The following ITCH variants were observed in gnomAD, a reference collection of about 807,000 sequenced individuals.
ITCH encodes itchy E3 ubiquitin protein ligase, also known as E3 ubiquitin-protein ligase Itchy homolog.
ITCH carries 28 observed loss-of-function variants against 126.8 expected under a neutral mutation model. The ratio of observed to expected loss-of-function variants is 0.22; its 90% CI spans 0.16 to 0.30. The LOEUF (loss-of-function observed/expected upper bound fraction) is 0.30. Among genes scored for constraint, ITCH ranks in the 10% least tolerant of loss-of-function variants. ITCH has a pLI of 1.00. For synonymous variants in ITCH, 342 were observed against 340.0 expected, an observed-to-expected ratio of 1.01 and a Z score of -0.06; for missense variants, 631 against 1,032.4, an observed-to-expected ratio of 0.61 and a Z score of 5.33.
intron 3 of ITCH, chr20:34,402,765 T>C: frequency 3.6e-6 from 1 of 275,894 alleles, no homozygotes; most frequent in Non-Finnish European, 7.4e-6. Flanking sequence ...CTCCACCGGG[T>C]TGTTGGCTCA....
At chr20:34,467,899 C>G (rs544811056) in intron 14 of ITCH, among the ~76,000 whole-genome samples, 135 of 151,726 alleles carry the variant, frequency 8.9e-4, no homozygotes, top group Non-Finnish European at 1.3e-3. Flanking sequence ...TGCATTCCAC[C>G]CTGGGTGACA....
chr20:34,426,649 C>T (rs1478152508), intron 7 of ITCH, among the ~76,000 whole-genome samples: 2 of 118,464 alleles, frequency 1.7e-5, no homozygotes, highest in Non-Finnish European at 4.0e-5. Flanking sequence ...TGGGGTTTTG[C>T]CATATTGGCC....
chr20:34,428,332 T>G (rs1387155549), intron 7 of ITCH, among the ~76,000 whole-genome samples: 1 of 152,224 alleles, frequency 6.6e-6, no homozygotes, highest in East Asian at 1.9e-4. Context: ...CATCCTTCCC[T>G]CCATCCTCAT....
chr20:34,462,253 A>G, intron 14 of ITCH, 32 bp downstream of exon 14: 1 of 1,602,662 alleles, frequency 6.2e-7, no homozygotes, highest in Non-Finnish European at 8.5e-7. Flanking sequence ...GATTAAGAGT[A>G]AAATACTAGT....
chr20:34,366,266 A>T (rs73255036), intron 1 of ITCH, among the ~76,000 whole-genome samples: 1 of 152,018 alleles, frequency 6.6e-6, no homozygotes, highest in African/African-American at 2.4e-5. Flanking sequence ...TGTTGTTGAG[A>T]CTGGGTCTCA....
intron 12 of ITCH, among the ~76,000 whole-genome samples, chr20:34,455,724 C>T (rs1281299333): frequency 6.6e-6 from 1 of 151,812 alleles, no homozygotes; most frequent in Non-Finnish European, 1.5e-5. Context: ...GCAGTCCGCC[C>T]GCCTCTGCCT....
intron 2 of ITCH, among the ~76,000 whole-genome samples, chr20:34,386,607 T>C (rs1025257282): frequency 2.0e-5 from 3 of 152,200 alleles, no homozygotes; most frequent in Admixed American, 6.5e-5. Flanking sequence ...TTCTGAAATG[T>C]CATTTTGGTG....
chr20:34,381,881 AT>A (rs1405866378), intron 2 of ITCH, among the ~76,000 whole-genome samples: 3 of 151,644 alleles, frequency 2.0e-5, no homozygotes, highest in East Asian at 3.9e-4. Context: ...AAAAAAAAAA[AT>A]GGAAAGAAAT....
At chr20:34,502,704 A>C (rs1990338483) in intron 23 of ITCH, among the ~76,000 whole-genome samples, 1 of 151,268 alleles carries the variant, frequency 6.6e-6, no homozygotes, top group African/African-American at 2.4e-5. Flanking sequence ...CGCCTCAAAA[A>C]AAAAAAGAAA....
intron 4 of ITCH, among the ~76,000 whole-genome samples, chr20:34,410,180 C>G (rs1300790009): frequency 1.3e-5 from 2 of 151,936 alleles, no homozygotes; most frequent in African/African-American, 2.4e-5. Context: ...CCAGCCTGAC[C>G]AACGTGGTGA....
intron 7 of ITCH, among the ~76,000 whole-genome samples, chr20:34,427,736 A>G (rs1213237779): frequency 1.3e-5 from 2 of 152,178 alleles, no homozygotes; most frequent in East Asian, 3.8e-4. Flanking sequence ...TGAATTCCTG[A>G]AAGTTCCCGC....
chr20:34,393,994 G>T, intron 3 of ITCH, 113 bp downstream of exon 3: 1 of 982,282 alleles, frequency 1.0e-6, no homozygotes, highest in South Asian at 1.3e-5. Context: ...CACTTTGGGA[G>T]GCTGAGGTGG....
At position 34,445,445 on chromosome 20, in the gene ITCH, A is replaced by G. The variant is rs1984337145; in HGVS notation, c.1124A>G (p.Gln375Arg). The G allele has an allele frequency of 1.2e-6, 2 of 1,613,902 alleles. No individual in the cohort carries two copies. Among genetic ancestry groups the G allele is most frequent in the Non-Finnish European group, 1.7e-6 (2 of 1,179,884 alleles). Reference protein sequence around the residue: ...QLQGAMQQFNQRFIYGNQDLF... With the variant: ...QLQGAMQQFNRRFIYGNQDLF... ...CAAGGAGCAATGCAGCAGTTTAACC[A>G]GAGATTCATTTATGGGGTGAGCAGC... The change falls in exon 11 of 25, where the codon CAG becomes CGG. Residue 375 changes from glutamine to arginine, a missense_variant. Transcript: ENST00000374864.
chr20:34,381,417 A>G (rs1160327417), intron 2 of ITCH, among the ~76,000 whole-genome samples: 1 of 149,738 alleles, frequency 6.7e-6, no homozygotes, highest in African/African-American at 2.5e-5. Context: ...GGTGTGTGCC[A>G]CCATGCCTGG....
chr20:34,463,302 G>A (rs921981915), intron 14 of ITCH, among the ~76,000 whole-genome samples: 1 of 152,218 alleles, frequency 6.6e-6, no homozygotes, highest in Admixed American at 6.5e-5. Flanking sequence ...GGCAGAGGTT[G>A]CAGTGAGTCA....
intron 23 of ITCH, among the ~76,000 whole-genome samples, chr20:34,499,815 G>A (rs962411128): frequency 6.6e-6 from 1 of 151,706 alleles, no homozygotes; most frequent in Non-Finnish European, 1.5e-5. Flanking sequence ...TTTGATGTAG[G>A]CATTTATTGC....
chr20:34,498,072 T>C (rs986272216), intron 23 of ITCH, among the ~76,000 whole-genome samples: 2 of 152,234 alleles, frequency 1.3e-5, no homozygotes, highest in Non-Finnish European at 2.9e-5. Flanking sequence ...TAAATTTATT[T>C]CTAGGTTTTT....
intron 24 of ITCH, 119 bp from the exon 25 acceptor site, chr20:34,507,576 C>T: frequency 1.3e-6 from 1 of 770,714 alleles, no homozygotes; most frequent in Non-Finnish European, 2.2e-6. Flanking sequence ...TGATGGTATC[C>T]TTTGAAGCAC....
intron 7 of ITCH, among the ~76,000 whole-genome samples, chr20:34,425,681 A>G (rs1808470071): frequency 6.6e-6 from 1 of 152,234 alleles, no homozygotes; most frequent in African/African-American, 2.4e-5. Flanking sequence ...GCACATCCAG[A>G]CATAGTACCT....
Sources: gnomAD v4.1 joint callset for allele counts (sites outside exome capture counted in the v4.1 genomes callset) on GRCh38, gnomAD v4.1.1 for gene constraint, MANE v1.5 for transcripts, NCBI Gene and HGNC (gene_info 2026-07-23, HGNC 2026-07-21) for gene names.